NFIB: variants seen among roughly 807,000 people sequenced by gnomAD.
NFIB encodes nuclear factor I B, also known as nuclear factor 1 B-type.
Under a neutral mutation model 61.5 loss-of-function variants are expected in NFIB, and 11 were observed. The ratio of observed to expected loss-of-function variants is 0.18; its 90% CI spans 0.11 to 0.30. The LOEUF (loss-of-function observed/expected upper bound fraction) is 0.30, where lower values mean the gene tolerates loss of function less well. Ranked by LOEUF, NFIB falls within the 10% of genes least tolerant of loss-of-function variation. The pLI, the probability that NFIB is intolerant of heterozygous loss-of-function variation, is 1.00. For missense variants in NFIB, 471 were observed against 608.9 expected, an observed-to-expected ratio of 0.77 and a Z score of 2.38; for synonymous variants, 260 against 216.5, an observed-to-expected ratio of 1.20 and a Z score of -1.76.
chr9:14,333,976 T>C (rs2060853019), intron 1 of NFIB, among the ~76,000 whole-genome samples: 1 of 152,250 alleles, frequency 6.6e-6, no homozygotes, highest in South Asian at 2.1e-4. Context: ...CAATATTTAC[T>C]GTTATGTCTG....
rs1348203067 is a variant in NFIB at position 14,084,795 on chromosome 9, A to C, written c.*3514T>G. The C allele has an allele frequency of 4.4e-6, 1 of 228,518 alleles. No individual in the cohort carries two copies. Among genetic ancestry groups the C allele is most frequent in the East Asian group, 6.3e-5 (1 of 15,908 alleles). 14.2% of individuals were successfully genotyped at this position (228,518 alleles called of 1,614,324 possible). A position where few individuals can be genotyped will look rare whatever the true frequency, so the allele number is the denominator to read the frequency against. On this transcript the variant is annotated 3_prime_UTR_variant, in exon 11 of 11. Transcript: ENST00000380953. Reference sequence around the variant, plus strand: ...ACACGAGGAGGAGGCCGAAAAGTTGATTTGAGATTTTATATATATAGTAGT... The same window carrying C: ...ACACGAGGAGGAGGCCGAAAAGTTGCTTTGAGATTTTATATATATAGTAGT...
chr9:14,088,134 T>C lies in NFIB; in HGVS notation c.*175A>G. On this transcript the variant is annotated 3_prime_UTR_variant, in exon 11 of 11. Transcript: ENST00000380953. ...TTTGTGTTGTTTTGTCCAGTCTTCCTCTTTTCCTTTTTTTTTATTTAAAAA... is the reference window on the plus strand; with the variant it reads ...TTTGTGTTGTTTTGTCCAGTCTTCCCCTTTTCCTTTTTTTTTATTTAAAAA... The C allele has an allele frequency of 1.5e-6, 2 of 1,371,864 alleles. No homozygotes were observed. The highest frequency in any genetic ancestry group is 1.9e-6 in the Non-Finnish European group (2 of 1,042,768). The allele number at this position is 1,371,864 out of a possible 1,614,324, so 85.0% of individuals were successfully genotyped here.
upstream of NFIB, among the ~76,000 whole-genome samples, chr9:14,316,681 A>T (rs2060549649): frequency 6.6e-6 from 1 of 152,120 alleles, no homozygotes; most frequent in Non-Finnish European, 1.5e-5. Context: ...AAACACACAC[A>T]GACACACACA....
chr9:14,409,600 C>G, the NFIB span, among the ~76,000 whole-genome samples: 3 of 152,222 alleles, frequency 2.0e-5, no homozygotes, highest in African/African-American at 7.2e-5. Context: ...CGGCAACACT[C>G]CGAAGGCCAG....
At chr9:14,494,519 C>T in the NFIB span, among the ~76,000 whole-genome samples, 2 of 152,148 alleles carry the variant, frequency 1.3e-5, no homozygotes, top group African/African-American at 4.8e-5. Context: ...GGCCTCTTTT[C>T]TTTTTCGCAG....
rs369655138 is a variant in NFIB at position 14,376,912 on chromosome 9, TACA to T, written c.108+21609_108+21611del. 2.6e-3 allele frequency among the ~76,000 whole-genome samples: 398 copies of T among 152,304 alleles called. 4 individuals are homozygous for T. Among genetic ancestry groups the T allele is most frequent in the African/African-American group, 9.4e-3 (390 of 41,568 alleles). On this transcript the variant is annotated intron_variant, in intron 1 of 8. Coordinates refer to the NFIB transcript ENST00000380934. ...TAATCAGATTGCCTTCCTACAATGA[TACA>T]ACTTCACTGCATGGAAGGTGTTTAT...
intron 1 of NFIB, among the ~76,000 whole-genome samples, chr9:14,338,973 G>T (rs1450970853): frequency 6.6e-6 from 1 of 152,064 alleles, no homozygotes; most frequent in African/African-American, 2.4e-5. Flanking sequence ...TGGTAGGCAG[G>T]TTGGGGACAG....
At chr9:14,204,618 C>A in intron 2 of NFIB, 2 of 742,754 alleles carry the variant, frequency 2.7e-6, no homozygotes, top group Non-Finnish European at 4.7e-6. Flanking sequence ...AAAGCGCCGG[C>A]AAAGGGGACC....
At chr9:14,437,126 C>G in the NFIB span, among the ~76,000 whole-genome samples, 2 of 152,164 alleles carry the variant, frequency 1.3e-5, no homozygotes, top group South Asian at 4.1e-4. Flanking sequence ...ATTTCCTCAT[C>G]AGAAAGGTAA....
At chr9:14,265,525 A>G (rs72698799) in intron 2 of NFIB, among the ~76,000 whole-genome samples, 9,891 of 152,216 alleles carry the variant, frequency 0.065, 620 homozygotes, top group East Asian at 0.28. Flanking sequence ...AATAAAATCT[A>G]CCTTGCCAGT....
At chr9:14,166,049 C>A (rs1262180928) in intron 3 of NFIB, among the ~76,000 whole-genome samples, 2 of 152,180 alleles carry the variant, frequency 1.3e-5, no homozygotes, top group Non-Finnish European at 2.9e-5. Flanking sequence ...AAATTTTGGA[C>A]CCAGATTGTT....
At chr9:14,178,493 CTT>C (rs1032741606) in intron 3 of NFIB, among the ~76,000 whole-genome samples, 2 of 152,068 alleles carry the variant, frequency 1.3e-5, no homozygotes, top group African/African-American at 4.8e-5. Context: ...GAAAAATCAA[CTT>C]AGCATACATT....
At chr9:14,489,294 A>G in the NFIB span, among the ~76,000 whole-genome samples, 1 of 152,244 alleles carries the variant, frequency 6.6e-6, no homozygotes, top group African/African-American at 2.4e-5. Flanking sequence ...TTATCCAAAC[A>G]TAATACTGGA....
intron 10 of NFIB, among the ~76,000 whole-genome samples, chr9:14,099,933 G>A (rs1314856066): frequency 6.6e-6 from 1 of 152,100 alleles, no homozygotes; most frequent in Non-Finnish European, 1.5e-5. Context: ...TTAGCCGGGC[G>A]TGGCAGTGCA....
the NFIB span, among the ~76,000 whole-genome samples, chr9:14,407,560 T>A: frequency 3.6e-3 from 555 of 152,232 alleles, 2 homozygotes; most frequent in African/African-American, 0.013. Context: ...ACAAACTTCA[T>A]CTATGCAATT....
chr9:14,394,007 G>A (rs1455620092), intron 1 of NFIB, among the ~76,000 whole-genome samples: 1 of 152,126 alleles, frequency 6.6e-6, no homozygotes, highest in African/African-American at 2.4e-5. Context: ...TAAGACTTTT[G>A]TTATCTGTCC....
chr9:14,223,230 G>C (rs1271956989), intron 2 of NFIB, among the ~76,000 whole-genome samples: 2 of 152,210 alleles, frequency 1.3e-5, no homozygotes, highest in African/African-American at 4.8e-5. Context: ...TTAGATGATA[G>C]AGCAGGGACT....
intron 1 of NFIB, among the ~76,000 whole-genome samples, chr9:14,334,764 T>C (rs1396631774): frequency 6.6e-6 from 1 of 152,346 alleles, no homozygotes; most frequent in East Asian, 1.9e-4. Flanking sequence ...TATACACCCA[T>C]GAAACCATTA....
At chr9:14,088,830 A>G (rs1466203229) in intron 10 of NFIB, among the ~76,000 whole-genome samples, 1 of 152,162 alleles carries the variant, frequency 6.6e-6, no homozygotes, top group African/African-American at 2.4e-5. Context: ...ACGGTGAAAG[A>G]TATTTCTTTT....
Sources: allele counts gnomAD v4.1 joint callset (sites outside exome capture counted in the v4.1 genomes callset), GRCh38; gene constraint gnomAD v4.1.1; transcripts MANE v1.5; gene names NCBI Gene and HGNC (gene_info 2026-07-23, HGNC 2026-07-21).